Variants in MYO3A observed in about 807,000 individuals in gnomAD.
MYO3A encodes the protein myosin IIIA, also known as myosin-IIIa.
In MYO3A, 180 loss-of-function variants were observed where a neutral mutation model predicts 192.7. The ratio of observed to expected loss-of-function variants is 0.93; its 90% confidence interval spans 0.83 to 1.06. The LOEUF (loss-of-function observed/expected upper bound fraction) is 1.06, where lower values mean the gene tolerates loss of function less well. Among genes scored for constraint, MYO3A ranks in the 50% least tolerant of loss-of-function variants. The probability of loss-of-function intolerance (pLI) is 0.00; values close to 1 mark genes in which losing one functional copy is unlikely to be tolerated. For missense variants in MYO3A, 1,896 were observed against 1,905.0 expected, an observed-to-expected ratio of 1.00 and a Z score of 0.09; for synonymous variants, 628 against 645.3, an observed-to-expected ratio of 0.97 and a Z score of 0.41.
intron 10 of MYO3A, among the ~76,000 whole-genome samples, chr10:26,065,061 A>G (rs893819903): frequency 1.3e-5 from 2 of 152,172 alleles, no homozygotes; most frequent in Non-Finnish European, 2.9e-5. Context: ...AAGATAAGGA[A>G]AAAACCGAAA....
chr10:26,031,080 G>A (rs778728611), intron 10 of MYO3A, among the ~76,000 whole-genome samples: 68 of 152,314 alleles, frequency 4.5e-4, no homozygotes, highest in Non-Finnish European at 8.4e-4. Context: ...TATGAATCCA[G>A]TATTTTTAAA....
At chr10:26,034,926 C>CGTGTGT (rs146134022) in intron 10 of MYO3A, among the ~76,000 whole-genome samples, 3 of 147,690 alleles carry the variant, frequency 2.0e-5, no homozygotes, top group Admixed American at 6.8e-5. Context: ...TTACATGAAG[C>CGTGTGT]GTGTGTGTGT....
At chr10:26,141,807 C>G (rs991030531) in intron 20 of MYO3A, among the ~76,000 whole-genome samples, 2 of 152,068 alleles carry the variant, frequency 1.3e-5, no homozygotes, top group Non-Finnish European at 1.5e-5. Flanking sequence ...CCTTTTAGAC[C>G]ATCTATTCTT....
At chr10:25,956,495 ATTTT>A (rs562368305) in intron 4 of MYO3A, among the ~76,000 whole-genome samples, 1 of 128,844 alleles carries the variant, frequency 7.8e-6, no homozygotes, top group Non-Finnish European at 1.6e-5. Flanking sequence ...GCCCAGCTAA[ATTTT>A]TTTTTTTTTT....
At chr10:25,982,429 T>C (rs1163219256) in intron 4 of MYO3A, among the ~76,000 whole-genome samples, 2 of 151,950 alleles carry the variant, frequency 1.3e-5, no homozygotes, top group African/African-American at 2.4e-5. Context: ...GTTTGCATGC[T>C]CTCTATAGGA....
intron 4 of MYO3A, 70 bp downstream of exon 4, chr10:25,955,078 T>C (rs1157591645): frequency 3.2e-6 from 5 of 1,552,480 alleles, no homozygotes; most frequent in Non-Finnish European, 3.6e-6. Context: ...TGTTATACTA[T>C]TTATGTAACA....
chr10:25,971,128 A>G (rs1233602596), intron 4 of MYO3A, among the ~76,000 whole-genome samples: 1 of 152,128 alleles, frequency 6.6e-6, no homozygotes, highest in Non-Finnish European at 1.5e-5. Context: ...AAAGAAAAGC[A>G]GAAGAAAGAA....
Position 26,174,187 on chromosome 10 carries a change from C to G in MYO3A, c.3923C>G (p.Ser1308Cys). The G allele has an allele frequency of 1.2e-6, 2 of 1,614,200 alleles. No homozygotes were observed. Among genetic ancestry groups the G allele is most frequent in the Non-Finnish European group, 1.7e-6 (2 of 1,180,036 alleles). The change falls in exon 30 of 35, where the codon TCT (serine) becomes TGT (cysteine). Residue 1308 changes from serine (S) to cysteine (C), a missense_variant. Transcript: ENST00000642920. ...AGCATGGAAAAAGAAAAGAAGACAT[C>G]TGTAGTTACCCAGCGTGCACCGATA... is the stretch of plus-strand genomic sequence containing the variant. ...ANSMEKEKKT[S>C]VVTQRAPICS...
intron 19 of MYO3A, among the ~76,000 whole-genome samples, chr10:26,126,560 A>C (rs1839228296): frequency 6.6e-6 from 1 of 152,092 alleles, no homozygotes; most frequent in South Asian, 2.1e-4. Context: ...TTCCCATTAC[A>C]ATGTAATGGT....
At chr10:26,140,948 G>A (rs575387334) in intron 20 of MYO3A, among the ~76,000 whole-genome samples, 2 of 152,214 alleles carry the variant, frequency 1.3e-5, no homozygotes, top group East Asian at 3.9e-4. Flanking sequence ...TGTTTTATGA[G>A]ATGGAGTCTC....
At chr10:25,997,597 A>G (rs1840532723) in intron 6 of MYO3A, among the ~76,000 whole-genome samples, 1 of 152,328 alleles carries the variant, frequency 6.6e-6, no homozygotes, top group South Asian at 2.1e-4. Context: ...ATGGACATAT[A>G]TCCAAATCCA....
chr10:26,170,335 A>G (rs1006053380), intron 28 of MYO3A, 81 bp from the exon 29 acceptor site: 1 of 1,492,736 alleles, frequency 6.7e-7, no homozygotes, highest in Non-Finnish European at 9.2e-7. Context: ...ATCAATGGTC[A>G]AAGCCACCAT....
chr10:26,140,011 G>C (rs777891374), intron 20 of MYO3A, among the ~76,000 whole-genome samples: 36 of 152,194 alleles, frequency 2.4e-4, no homozygotes, highest in Non-Finnish European at 4.0e-4. Flanking sequence ...CAGTACCCCA[G>C]AGCATGGTAG....
At chr10:25,985,486 G>A (rs1252751493) in intron 4 of MYO3A, among the ~76,000 whole-genome samples, 1 of 152,006 alleles carries the variant, frequency 6.6e-6, no homozygotes, top group Non-Finnish European at 1.5e-5. Flanking sequence ...ATCCAAATAA[G>A]CTTAATTGAA....
intron 10 of MYO3A, among the ~76,000 whole-genome samples, chr10:26,027,855 T>C (rs942870660): frequency 1.3e-5 from 2 of 152,190 alleles, no homozygotes; most frequent in Admixed American, 6.5e-5. Context: ...GTTTTTACTC[T>C]CTCAAGTAAC....
chr10:26,047,597 C>A (rs950502762), intron 10 of MYO3A, among the ~76,000 whole-genome samples: 5 of 151,168 alleles, frequency 3.3e-5, no homozygotes, highest in African/African-American at 1.2e-4. Flanking sequence ...CACGGTGAAA[C>A]CCCATCTCTA....
chr10:26,077,189 C>T (rs2131432450), intron 14 of MYO3A, among the ~76,000 whole-genome samples: 1 of 124,594 alleles, frequency 8.0e-6, no homozygotes, highest in East Asian at 2.2e-4. Context: ...TTGTAGTTTT[C>T]CTTGTAGAGG....
At chr10:26,178,962 G>T (rs961037220) in intron 31 of MYO3A, among the ~76,000 whole-genome samples, 1 of 149,404 alleles carries the variant, frequency 6.7e-6, no homozygotes, top group Non-Finnish European at 1.5e-5. Flanking sequence ...CCACCACGCC[G>T]GGCTAATTTT....
At chr10:25,993,117 G>T (rs553368570) in intron 4 of MYO3A, among the ~76,000 whole-genome samples, 3 of 151,932 alleles carry the variant, frequency 2.0e-5, no homozygotes, top group Non-Finnish European at 4.4e-5. Context: ...GGTAGAATTC[G>T]GCTGTGAATC....
Sources: gnomAD v4.1 joint callset for allele counts (sites outside exome capture counted in the v4.1 genomes callset) on GRCh38, gnomAD v4.1.1 for gene constraint, MANE v1.5 for transcripts, NCBI Gene and HGNC (gene_info 2026-07-23, HGNC 2026-07-21) for gene names.